MALL: variants seen among roughly 807,000 people sequenced by gnomAD.
MALL encodes the protein MAL-like protein.
Under a neutral mutation model 10.3 loss-of-function variants are expected in MALL, and 2 were observed. The observed-to-expected ratio is 0.19, with a 90% CI of 0.08 to 0.61. The LOEUF is 0.61. MALL is among the 20% of genes least tolerant of loss of function. MALL has a pLI of 0.88. For synonymous variants in MALL, 27 were observed against 51.8 expected (o/e 0.52, Z 2.05); for missense variants, 39 against 115.2 (o/e 0.34, Z 3.03).
chr2:110,115,694 G>A lies in MALL; in HGVS notation c.99C>T (p.Pro33=). ...FLTIPFAFFL[P]ELIFGFLVWT... ...TCGGGGGTGCCGCACTCACCAGCTC[G>A]GGCAGGAAGAAGGCGAAAGGGATGG... The change falls in exon 1 of 4, where the codon CCC becomes CCT. Residue 33 remains proline, a synonymous_variant. Transcript: ENST00000272462. 2 of 1,282,602 alleles carry A rather than the reference G, an allele frequency of 1.6e-6. No homozygotes were observed. The highest frequency in any genetic ancestry group is 2.0e-6 in the Non-Finnish European group (2 of 1,007,724). 79.5% of individuals were successfully genotyped at this position (1,282,602 alleles called of 1,614,324 possible).
chr2:110,103,256 C>T (rs1386325289), intron 1 of MALL, among the ~76,000 whole-genome samples: 2 of 152,020 alleles, frequency 1.3e-5, no homozygotes, highest in South Asian at 4.1e-4. Context: ...TGGAGTGGGG[C>T]CTGTGTGGGG....
At chr2:110,101,434 C>T (rs1319806968) in intron 1 of MALL, among the ~76,000 whole-genome samples, 2 of 152,180 alleles carry the variant, frequency 1.3e-5, no homozygotes, top group African/African-American at 4.8e-5. Flanking sequence ...GCCCCTAAGG[C>T]CTCCAGTGAG....
intron 1 of MALL, among the ~76,000 whole-genome samples, chr2:110,092,379 GTTTT>G: frequency 4.7e-5 from 1 of 21,132 alleles, no homozygotes; most frequent in South Asian, 1.5e-3. Context: ...CCTCTGTAAA[GTTTT>G]TTATTTTTTA....
intron 1 of MALL, among the ~76,000 whole-genome samples, chr2:110,092,833 T>C (rs969365613): frequency 1.2e-5 from 1 of 82,888 alleles, no homozygotes; most frequent in Non-Finnish European, 3.0e-5. Flanking sequence ...CAACCTTTAG[T>C]AGTCTCTTTA....
At chr2:110,115,982 G>A (rs75354606), upstream of MALL, 1,873 of 393,414 alleles carry the variant, frequency 4.8e-3, 34 homozygotes, top group African/African-American at 0.036. Context: ...GCATCGGATG[G>A]CTCTGCCTGG....
At chr2:110,112,366 G>A (rs1678823364) in intron 1 of MALL, among the ~76,000 whole-genome samples, 1 of 151,952 alleles carries the variant, frequency 6.6e-6, no homozygotes, top group Non-Finnish European at 1.5e-5. Context: ...GAATCTACAA[G>A]GAAGTCAAAC....
chr2:110,102,245 C>T (rs769255963), intron 1 of MALL, among the ~76,000 whole-genome samples: 34 of 152,284 alleles, frequency 2.2e-4, no homozygotes, highest in East Asian at 1.2e-3. Flanking sequence ...CAGCTGATCC[C>T]CAGTCTATCT....
chr2:110,117,253 C>T (rs1239320274), upstream of MALL, among the ~76,000 whole-genome samples: 1 of 152,122 alleles, frequency 6.6e-6, no homozygotes, highest in African/African-American at 2.4e-5. Context: ...CATCTTGCCA[C>T]CTCTCTTAAA....
chr2:110,095,432 T>C lies in MALL; in HGVS notation c.106-3662A>G, dbSNP rs531093907. Among the ~76,000 whole-genome samples, 13 of 152,230 alleles carry C rather than the reference T, an allele frequency of 8.5e-5. No individual in the cohort carries two copies. In the South Asian group the frequency reaches 2.7e-3, roughly 32 times the overall value. On this transcript the variant is annotated intron_variant, in intron 1 of 3. Transcript: ENST00000272462. ...AAACACACACAGTCATATACAAATT[T>C]TCCAAGAGGCTGAACTGAAACTTGA...
chr2:110,091,993 ACT>A (rs1285345010), intron 1 of MALL, among the ~76,000 whole-genome samples: 1 of 148,880 alleles, frequency 6.7e-6, no homozygotes, highest in Admixed American at 6.7e-5. Context: ...GAACAGAGGG[ACT>A]CTCAGCCAAA....
chr2:110,117,587 A>ATGTGTGTGTGTGTG (rs3840469), upstream of MALL, among the ~76,000 whole-genome samples: 20 of 105,486 alleles, frequency 1.9e-4, no homozygotes, highest in African/African-American at 7.1e-4. Flanking sequence ...GACCAAAGCA[A>ATGTGTGTGTGTGTG]TGTGTGTGTG....
At chr2:110,103,171 G>A (rs1678610493) in intron 1 of MALL, among the ~76,000 whole-genome samples, 1 of 152,138 alleles carries the variant, frequency 6.6e-6, no homozygotes, top group Non-Finnish European at 1.5e-5. Flanking sequence ...GGGACAGTTT[G>A]TGGCCAGGGG....
chr2:110,091,782 A>G lies in MALL; in HGVS notation c.106-12T>C. The G allele has an allele frequency of 1.3e-6, 2 of 1,537,174 alleles. No homozygotes were observed. Among genetic ancestry groups the G allele is most frequent in the South Asian group, 2.6e-5 (2 of 76,968 alleles). On this transcript the variant is annotated splice_polypyrimidine_tract_variant and intron_variant, in intron 1 of 3. Coordinates refer to ENST00000272462, the MANE Select transcript of MALL (RefSeq NM_005434.5). Reference sequence around the variant, plus strand: ...AAGAACCCAAATATCTGGAAGATAAAAGCATAAAAGAAGGGGCTTCATTAG... The same window carrying G: ...AAGAACCCAAATATCTGGAAGATAAGAGCATAAAAGAAGGGGCTTCATTAG...
intron 1 of MALL, among the ~76,000 whole-genome samples, chr2:110,109,509 C>T (rs1678757809): frequency 6.6e-6 from 1 of 152,076 alleles, no homozygotes; most frequent in Non-Finnish European, 1.5e-5. Flanking sequence ...TTTCACAATC[C>T]TAAACATACA....
intron 1 of MALL, among the ~76,000 whole-genome samples, chr2:110,112,819 T>C (rs1678831855): frequency 6.6e-6 from 1 of 151,394 alleles, no homozygotes; most frequent in Non-Finnish European, 1.5e-5. Flanking sequence ...AATTGTGAAA[T>C]TGTGTAACCA....
At chr2:110,101,082 T>TG (rs1473011818) in intron 1 of MALL, among the ~76,000 whole-genome samples, 1 of 152,122 alleles carries the variant, frequency 6.6e-6, no homozygotes, top group Non-Finnish European at 1.5e-5. Context: ...AGGGTCCACC[T>TG]GGGTGCTGCT....
intron 1 of MALL, 106 bp downstream of exon 1, chr2:110,115,582 C>T (rs1678898758): frequency 2.2e-6 from 1 of 450,668 alleles, no homozygotes. Context: ...GCCCCTCTCT[C>T]TTCTCGGTCC....
At chr2:110,111,745 T>C (rs1035751479) in intron 1 of MALL, among the ~76,000 whole-genome samples, 4 of 152,022 alleles carry the variant, frequency 2.6e-5, no homozygotes, top group Non-Finnish European at 5.9e-5. Context: ...CTAAAATTCA[T>C]ATGGAACAAA....
intron 1 of MALL, chr2:110,097,420 TG>T (rs779663395): frequency 2.2e-6 from 1 of 451,874 alleles, no homozygotes. Flanking sequence ...GAAAGTCGCG[TG>T]GGCACTGGAG....
Sources: gnomAD v4.1 joint callset for allele counts (sites outside exome capture counted in the v4.1 genomes callset) on GRCh38, gnomAD v4.1.1 for gene constraint, MANE v1.5 for transcripts, NCBI Gene and HGNC (gene_info 2026-07-23, HGNC 2026-07-21) for gene names.